The following ATP4A variants were observed in gnomAD, a reference collection of about 807,000 sequenced individuals.
ATP4A encodes the protein potassium-transporting ATPase alpha chain 1.
ATP4A carries 73 observed loss-of-function variants against 112.1 expected under a neutral mutation model. The observed-to-expected ratio is 0.65, with a 90% confidence interval of 0.54 to 0.79. ATP4A has a LOEUF of 0.79. ATP4A is among the 30% of genes least tolerant of loss of function. The probability of loss-of-function intolerance (pLI) is 0.00; values close to 1 mark genes in which losing one functional copy is unlikely to be tolerated. For synonymous variants in ATP4A, 588 were observed against 588.9 expected (o/e 1.00, Z 0.02); for missense variants, 1,081 against 1,425.9 (o/e 0.76, Z 3.90).
At chr19:35,554,721 T>C (rs1369411420) in intron 16 of ATP4A, among the ~76,000 whole-genome samples, 1 of 103,808 alleles carries the variant, frequency 9.6e-6, no homozygotes, top group Non-Finnish European at 2.1e-5. Flanking sequence ...TGTCCGCCTG[T>C]GTGTGCATGG....
Position 35,559,196 on chromosome 19 carries a change from G to C in ATP4A, c.1057-5C>G. ...GGCTGTCAGGGACAGGCAGACCTGG[G>C]GAAGGGGTGAGCACCGCAGGCTGGG... On this transcript the variant is annotated splice_polypyrimidine_tract_variant and splice_region_variant and intron_variant, in intron 7 of 21. Transcript: ENST00000262623. The surrounding 1 kb of genome is among the most constrained non-coding windows in gnomAD (Gnocchi z 4.1). The C allele has an allele frequency of 6.2e-7, 1 of 1,613,664 alleles. No homozygotes were observed. The highest frequency in any genetic ancestry group is 1.3e-5 in the African/African-American group (1 of 75,064).
rs1465936551 is a variant in ATP4A at position 35,550,874 on chromosome 19, A to G, written c.3039T>C (p.Tyr1013=). The part of the protein sequence containing the change: ...PLPYGILIFV[Y]DEIRKLGVRC... ...GAACTCCAAGCTTCCGGATCTCATC[A>G]TAGACGAAGATGAGGATGCCGTAGG... Residue 1013 remains tyrosine, a synonymous_variant, in exon 21 of 22, where the codon TAT becomes TAC. Coordinates refer to ENST00000262623, the MANE Select transcript of ATP4A (RefSeq NM_000704.3). The surrounding 1 kb of genome is among the most constrained non-coding windows in gnomAD (Gnocchi z 4.1). 6.2e-7 allele frequency: 1 copy of G among 1,614,240 alleles called. No individual in the cohort carries two copies. The highest frequency in any genetic ancestry group is 1.3e-5 in the African/African-American group (1 of 75,062).
At position 35,558,363 on chromosome 19, in the gene ATP4A, T is replaced by C; in HGVS notation, c.1499A>G (p.Gln500Arg). The change falls in exon 10 of 22, where the codon CAG becomes CGG. Residue 500 changes from glutamine (Q) to arginine (R), a missense_variant and splice_region_variant. Gln to Arg is a conservative substitution (Grantham distance 43). Coordinates refer to ENST00000262623, the MANE Select transcript of ATP4A (RefSeq NM_000704.3). The surrounding 1 kb of genome is among the most constrained non-coding windows in gnomAD (Gnocchi z 5.1). ...CCGTGGGCGGGGCCGGCTGCGCACC[T>C]GGAACTTGTTGGTGGAGTTGAAGGG... ...EIPFNSTNKF[Q>R]LSIHTLEDPR... 8.7e-6 allele frequency: 14 copies of C among 1,609,496 alleles called. No individual in the cohort carries two copies. Among genetic ancestry groups the C allele is most frequent in the South Asian group, 1.1e-5 (1 of 90,190 alleles).
In ATP4A at chr19:35,560,640, GA is replaced by G; in HGVS notation, c.535-26del. ...GCTGCGGGGCAGGGGCACCAAAGTT[GA>G]GGTGGACGGGGGTGGGGGTGGGAGC... On this transcript the variant is annotated intron_variant, in intron 5 of 21. Transcript: ENST00000262623. This position sits in a 1 kb window ranked among gnomAD's most constrained non-coding sequence, Gnocchi z 5.1. 6.3e-7 allele frequency: 1 copy of G among 1,597,512 alleles called. No individual in the cohort carries two copies. The highest frequency in any genetic ancestry group is 1.7e-5 in the Admixed American group (1 of 59,752).
Position 35,557,584 on chromosome 19 carries a change from G to A in ATP4A, c.1693+71C>T. On this transcript the variant is annotated intron_variant, in intron 11 of 21. Transcript: ENST00000262623. The surrounding 1 kb of genome is among the most constrained non-coding windows in gnomAD (Gnocchi z 4.4). The stretch of plus-strand genomic sequence containing the variant: ...GATGAGGACGGTCAGGGCTGGGCCG[G>A]GAGTGGTGGGCAGGGTCTGTGCTAG... 6.7e-7 allele frequency: 1 copy of A among 1,493,558 alleles called. No individual in the cohort carries two copies. The allele number at this position is 1,493,558 out of a possible 1,614,324, so 92.5% of individuals were successfully genotyped here.
chr19:35,552,638 G>A (rs1045662057), intron 18 of ATP4A, among the ~76,000 whole-genome samples: 8 of 152,156 alleles, frequency 5.3e-5, no homozygotes, highest in South Asian at 2.1e-4. Flanking sequence ...AAGTATCCTC[G>A]TCTGTATGTA....
rs1201799929 is a variant in ATP4A, at chr19:35,555,820, G to A, written c.1870-8C>T. The A allele has an allele frequency of 1.2e-6, 2 of 1,600,680 alleles. No homozygotes were observed. Among genetic ancestry groups the A allele is most frequent in the Middle Eastern group, 1.7e-4 (1 of 6,016 alleles). ...ACCCGTTACCATGATCACCTGTAGG[G>A]GGAACCAGTGGATCACTGACCCCTT... is the stretch of plus-strand genomic sequence containing the variant. On this transcript the variant is annotated splice_polypyrimidine_tract_variant and splice_region_variant and intron_variant, in intron 12 of 21. Coordinates refer to ENST00000262623, the MANE Select transcript of ATP4A (RefSeq NM_000704.3). The surrounding 1 kb of genome is among the most constrained non-coding windows in gnomAD (Gnocchi z 6.6).
At position 35,558,459 on chromosome 19, in the gene ATP4A, A is replaced by G; in HGVS notation, c.1403T>C (p.Leu468Pro). Reference sequence around the variant, plus strand: ...GCCCAGCGTCAGCTCCGAGAACTTGAGCAGCGCCGTCTCCGATGCGTCTCC... The same window carrying G: ...GCCCAGCGTCAGCTCCGAGAACTTGGGCAGCGCCGTCTCCGATGCGTCTCC... ...VIGDASETAL[L>P]KFSELTLGNA... The change falls in exon 10 of 22, where the codon CTC becomes CCC. Residue 468 changes from leucine to proline, a missense_variant. Physicochemically the swap from Leu to Pro is moderately conservative, Grantham distance 98. Coordinates refer to ENST00000262623, the MANE Select transcript of ATP4A (RefSeq NM_000704.3). This position sits in a 1 kb window ranked among gnomAD's most constrained non-coding sequence, Gnocchi z 5.1. The G allele has an allele frequency of 6.2e-7, 1 of 1,602,362 alleles. No individual in the cohort carries two copies. The highest frequency in any genetic ancestry group is 8.5e-7 in the Non-Finnish European group (1 of 1,175,064).
rs2071649285 is a variant in ATP4A at position 35,558,779 on chromosome 19, T to G, written c.1256-93A>C. ...TCCTAGGCTCATATCGCGGGCCCCC[T>G]CCCCAGACCTGGGTGGAATTGGGTT... On this transcript the variant is annotated intron_variant, in intron 8 of 21. Transcript: ENST00000262623. The surrounding 1 kb of genome is among the most constrained non-coding windows in gnomAD (Gnocchi z 5.1). 7.3e-6 allele frequency: 10 copies of G among 1,374,660 alleles called. No homozygotes were observed. The highest frequency in any genetic ancestry group is 7.2e-5 in the Admixed American group (3 of 41,568). 85.2% of individuals were successfully genotyped at this position (1,374,660 alleles called of 1,614,324 possible).
chr19:35,558,759 G>T lies in ATP4A; in HGVS notation c.1256-73C>A. 2 of 1,450,134 alleles carry T rather than the reference G, an allele frequency of 1.4e-6. No individual in the cohort carries two copies. Among genetic ancestry groups the T allele is most frequent in the Non-Finnish European group, 9.2e-7 (1 of 1,085,752 alleles). The allele number at this position is 1,450,134 out of a possible 1,614,324, so 89.8% of individuals were successfully genotyped here. On this transcript the variant is annotated intron_variant, in intron 8 of 21. Transcript: ENST00000262623. This position sits in a 1 kb window ranked among gnomAD's most constrained non-coding sequence, Gnocchi z 5.1. ...ACCAGAACCGAGCCCCCTCCTCCTA[G>T]GCTCATATCGCGGGCCCCCTCCCCA...
At chr19:35,563,130 C>T (rs57302216) in intron 3 of ATP4A, 79 bp downstream of exon 3, 158,589 of 1,512,792 alleles carry the variant, frequency 0.1, 9,509 homozygotes, top group Middle Eastern at 0.14. Context: ...CTCTCCCTCT[C>T]TCCATCTCCC....
In ATP4A at chr19:35,557,159, A is replaced by G. The variant is rs2071635956; in HGVS notation, c.1694-71T>C. ...TTCTTAGCAGGGCCAGGAAATGGGT[A>G]AAATAACCAGGCCCCTTGCACCAAA... is the stretch of plus-strand genomic sequence containing the variant. On this transcript the variant is annotated intron_variant, in intron 11 of 21. Coordinates refer to ENST00000262623, the MANE Select transcript of ATP4A (RefSeq NM_000704.3). The surrounding 1 kb of genome is among the most constrained non-coding windows in gnomAD (Gnocchi z 4.4). 6.4e-7 allele frequency: 1 copy of G among 1,558,894 alleles called. No individual in the cohort carries two copies. The highest frequency in any genetic ancestry group is 8.8e-7 in the Non-Finnish European group (1 of 1,137,926).
rs149880813 is a variant in ATP4A, at chr19:35,560,514, G to A, written c.636C>T (p.Ala212=). 2.0e-5 allele frequency: 32 copies of A among 1,613,384 alleles called. No individual in the cohort carries two copies. The African/African-American group carries it at 2.5e-4, about 13-fold the overall frequency. ...VEMKGGDRVP[A]DIRILAAQGC... is the part of the protein sequence containing the mutation. ...CCTGGGCCGCCAGGATGCGGATGTC[G>A]GCGGGCACTCTGTCCCCACCTTTCA... The change falls in exon 6 of 22, where the codon GCC becomes GCT. Residue 212 remains alanine (A), a synonymous_variant. Transcript: ENST00000262623. The surrounding 1 kb of genome is among the most constrained non-coding windows in gnomAD (Gnocchi z 5.1).
rs1599569816 is a variant in ATP4A, at chr19:35,551,651, C to T, written c.2752-71G>A. The T allele has an allele frequency of 6.4e-6, 10 of 1,559,382 alleles. No individual in the cohort carries two copies. The East Asian group carries it at 2.4e-4, about 37-fold the overall frequency. ...CCCGGCGGAGAGCCTCTGCAGCCCA[C>T]CGGGCATAGGGTCCCAGGGCCGTGA... On this transcript the variant is annotated intron_variant, in intron 18 of 21. Transcript: ENST00000262623. This position sits in a 1 kb window ranked among gnomAD's most constrained non-coding sequence, Gnocchi z 5.2.
At position 35,560,072 on chromosome 19, in the gene ATP4A, G is replaced by T; in HGVS notation, c.789C>A (p.Gly263=). The T allele has an allele frequency of 6.2e-7, 1 of 1,613,434 alleles. No homozygotes were observed. Among genetic ancestry groups the T allele is most frequent in the South Asian group, 1.1e-5 (1 of 91,056 alleles). Residue 263 remains glycine (G), a splice_region_variant and synonymous_variant, in exon 7 of 22, where the codon GGC becomes GGA. Transcript: ENST00000262623. The surrounding 1 kb of genome is among the most constrained non-coding windows in gnomAD (Gnocchi z 5.1). The part of the protein sequence containing the change: ...IAFFSTMCLE[G]TVQGLVVNTG... Reference sequence around the variant, plus strand: ...TGTTCACCACCAGGCCCTGCACGGTGCCTGCAGGGGGGCCAAGGCGCGACT... The same window carrying T: ...TGTTCACCACCAGGCCCTGCACGGTTCCTGCAGGGGGGCCAAGGCGCGACT...
At position 35,555,131 on chromosome 19, in the gene ATP4A, CA is replaced by C. The variant is rs755307645; in HGVS notation, c.2326+34del. ...CTCACAGCCCTCTCCCTCCTGTGCC[CA>C]CACTGCCTGCCCTCCCCCTGGCGTG... On this transcript the variant is annotated intron_variant, in intron 15 of 21. Transcript: ENST00000262623. The surrounding 1 kb of genome is among the most constrained non-coding windows in gnomAD (Gnocchi z 6.6). 5.0e-6 allele frequency: 8 copies of C among 1,614,004 alleles called. No homozygotes were observed. The South Asian group carries it at 8.8e-5, about 18-fold the overall frequency.
chr19:35,563,433 C>T lies in ATP4A; in HGVS notation c.107G>A (p.Gly36Asp), dbSNP rs1477623716. Residue 36 changes from glycine to aspartate, a missense_variant, in exon 2 of 22, where the codon GGT becomes GAT. This residue lies in a region of ATP4A where 850 missense variants were observed against 1,068.2 expected (regional missense o/e 0.80). Transcript: ENST00000262623. ...MSKKKKAGGG[G>D]GKRKEKLENM... ...CTCCAGCTTCTCCTTCCTCTTGCCA[C>T]CCCCGCCACCCGCCTTCTTCTTCTT... The T allele has an allele frequency of 1.2e-6, 2 of 1,613,838 alleles. No homozygotes were observed. The highest frequency in any genetic ancestry group is 1.7e-6 in the Non-Finnish European group (2 of 1,179,966).
chr19:35,557,694 C>T lies in ATP4A; in HGVS notation c.1654G>A (p.Ala552Thr). ...CCCAGGCCTCCCAGGCTGAGGTAGG[C>T]GGTCTGGAAGGCCTCGCGCCACTGC... The part of the protein sequence containing the change: ...DEQWREAFQT[A>T]YLSLGGLGER... The change falls in exon 11 of 22, where the codon GCC (alanine) becomes ACC (threonine). Residue 552 changes from alanine (A) to threonine (T), a missense_variant. Physicochemically the swap from Ala to Thr is moderately conservative, Grantham distance 58 (BLOSUM62 0). Around this residue, in one of 3 missense-constraint regions of ATP4A, gnomAD observed 850 missense variants for 1,068.2 expected, o/e 0.80. Transcript: ENST00000262623. The surrounding 1 kb of genome is among the most constrained non-coding windows in gnomAD (Gnocchi z 4.4). 3.1e-6 allele frequency: 5 copies of T among 1,609,280 alleles called. No individual in the cohort carries two copies. In the South Asian group the frequency reaches 3.3e-5, roughly 11 times the overall value.
Position 35,555,848 on chromosome 19 carries a change from G to C in ATP4A, c.1870-36C>G. On this transcript the variant is annotated intron_variant, in intron 12 of 21. Transcript: ENST00000262623. The surrounding 1 kb of genome is among the most constrained non-coding windows in gnomAD (Gnocchi z 6.6). Reference sequence around the variant, plus strand: ...AACCAGTGGATCACTGACCCCTTCAGATCAGCCCAATCTCCCTGTCCTCCC... The same window carrying C: ...AACCAGTGGATCACTGACCCCTTCACATCAGCCCAATCTCCCTGTCCTCCC... The C allele has an allele frequency of 6.3e-7, 1 of 1,575,428 alleles. No homozygotes were observed. Among genetic ancestry groups the C allele is most frequent in the African/African-American group, 1.3e-5 (1 of 74,410 alleles).
Sources: allele counts gnomAD v4.1 joint callset (sites outside exome capture counted in the v4.1 genomes callset), GRCh38; gene constraint gnomAD v4.1.1; regional missense constraint gnomAD v4.1.1; non-coding constraint Gnocchi (gnomAD v3.1); transcripts MANE v1.5; gene names NCBI Gene and HGNC (gene_info 2026-07-23, HGNC 2026-07-21).